The following IFT43 variants were observed in gnomAD, a reference collection of about 807,000 sequenced individuals.
The protein encoded by IFT43 is intraflagellar transport protein 43 homolog.
In IFT43, 33 loss-of-function variants were observed where a neutral mutation model predicts 32.3. The observed-to-expected ratio is 1.02, with a 90% CI of 0.77 to 1.37. The LOEUF (loss-of-function observed/expected upper bound fraction) is 1.37, where lower values mean the gene tolerates loss of function less well. Among genes scored for constraint, IFT43 ranks in the 40% most tolerant of loss-of-function variants. IFT43 has a pLI of 0.00. For synonymous variants in IFT43, 93 were observed against 98.2 expected (o/e 0.95, Z 0.31); for missense variants, 274 against 265.9 (o/e 1.03, Z -0.21).
chr14:76,007,762 C>G (rs1029028598), intron 2 of IFT43, among the ~76,000 whole-genome samples: 1 of 152,022 alleles, frequency 6.6e-6, no homozygotes, highest in African/African-American at 2.4e-5. Flanking sequence ...GGCTGAATGG[C>G]AGAAAGTATA....
In IFT43 at chr14:76,052,052, A is replaced by G. The variant is rs758302477; in HGVS notation, c.216-6590A>G. Among the ~76,000 whole-genome samples, 5 of 152,136 alleles carry G rather than the reference A, an allele frequency of 3.3e-5. No individual in the cohort carries two copies. The East Asian group carries it at 9.6e-4, about 29-fold the overall frequency. ...CTCCAGGTGCTTGGCACTTTCGTCT[A>G]TTTTAAGCCTGTTCTGCCTTGCAGC... On this transcript the variant is annotated intron_variant, in intron 3 of 8. Transcript: ENST00000314067.
rs538538788 is a variant in IFT43 at position 75,986,754 on chromosome 14, C to A, written c.54+914C>A. Among the ~76,000 whole-genome samples, 185 of 152,336 alleles carry A rather than the reference C, an allele frequency of 1.2e-3. 6 individuals are homozygous for A. In the South Asian group the frequency reaches 0.036, roughly 30 times the overall value. ...TTATCTTTAAAACTGGTTAGGATCG[C>A]ACTTACTAAAAGATTGGGCCCCAGA... On this transcript the variant is annotated intron_variant, in intron 1 of 8. Transcript: ENST00000314067.
chr14:76,052,584 C>T lies in IFT43; in HGVS notation c.216-6058C>T, dbSNP rs150099311. ...GAGGATCCAAGATTCTGCCATGGTC[C>T]CATGTGGCTGAAGTCACAGATGTGC... On this transcript the variant is annotated intron_variant, in intron 3 of 8. Coordinates refer to ENST00000314067, the MANE Select transcript of IFT43 (RefSeq NM_001102564.3). Among the ~76,000 whole-genome samples, 75 of 152,294 alleles carry T rather than the reference C, an allele frequency of 4.9e-4. 1 individual carries two copies. In the East Asian group the frequency reaches 8.5e-3, roughly 17 times the overall value.
intron 5 of IFT43, among the ~76,000 whole-genome samples, chr14:76,063,881 A>G (rs550315223): frequency 1.3e-5 from 2 of 152,340 alleles, no homozygotes; most frequent in East Asian, 1.9e-4. Flanking sequence ...CCATGCACTA[A>G]TCAGAAGCTA....
intron 5 of IFT43, among the ~76,000 whole-genome samples, chr14:76,070,084 G>C (rs1461984154): frequency 6.6e-6 from 1 of 152,200 alleles, no homozygotes; most frequent in Non-Finnish European, 1.5e-5. Context: ...TGAGTTTAAG[G>C]GTAATTGCTC....
intron 3 of IFT43, among the ~76,000 whole-genome samples, chr14:76,052,356 A>G (rs1167713384): frequency 6.6e-6 from 1 of 152,228 alleles, no homozygotes; most frequent in African/African-American, 2.4e-5. Context: ...CCTTCAGCAC[A>G]TAACCCATGT....
chr14:75,994,224 A>G lies in IFT43; in HGVS notation c.147+5247A>G, dbSNP rs1364080309. On this transcript the variant is annotated intron_variant, in intron 2 of 8. Coordinates refer to ENST00000314067, the MANE Select transcript of IFT43 (RefSeq NM_001102564.3). ...AAAAAAATTGTATGCCCTAAGTTCC[A>G]GGATATCTGATTCAGTGGCCTCTTC... Among the ~76,000 whole-genome samples the G allele has an allele frequency of 1.3e-5, 2 of 151,990 alleles. 1 individual carries two copies. The highest frequency in any genetic ancestry group is 3.9e-4 in the East Asian group (2 of 5,176).
At chr14:76,029,120 AC>A (rs1396597582) in intron 3 of IFT43, among the ~76,000 whole-genome samples, 1 of 152,130 alleles carries the variant, frequency 6.6e-6, no homozygotes, top group Non-Finnish European at 1.5e-5. Context: ...CAGAAGCCTC[AC>A]CAACATCTGT....
intron 2 of IFT43, among the ~76,000 whole-genome samples, chr14:76,004,401 G>A (rs778309992): frequency 7.3e-5 from 11 of 151,376 alleles, no homozygotes; most frequent in Admixed American, 2.6e-4. Flanking sequence ...TTTTTCCCCC[G>A]ATTGTTCTGT....
At position 75,985,795 on chromosome 14, in the gene IFT43, T is replaced by G. The variant is rs769058696; in HGVS notation, c.9T>G (p.Asp3Glu). ...GTCAGGCGGCCGCGGAGATGGAGGA[T>G]TTGCTCGACTTGGACGAGGAGCTTC... is the stretch of plus-strand genomic sequence containing the variant. ME[D>E]LLDLDEELRY... is the part of the protein sequence containing the mutation. The change falls in exon 1 of 9, where the codon GAT becomes GAG. Residue 3 changes from aspartate (D) to glutamate (E), a missense_variant. Transcript: ENST00000314067. 2 of 1,613,932 alleles carry G rather than the reference T, an allele frequency of 1.2e-6. No individual in the cohort carries two copies. Among genetic ancestry groups the G allele is most frequent in the Non-Finnish European group, 1.7e-6 (2 of 1,179,986 alleles).
chr14:76,020,436 A>G (rs2036268975), intron 2 of IFT43, among the ~76,000 whole-genome samples: 1 of 151,658 alleles, frequency 6.6e-6, no homozygotes, highest in African/African-American at 2.4e-5. Context: ...TTGCTTTTTC[A>G]TGTTTCCTGT....
At chr14:75,994,246 C>G (rs929764622) in intron 2 of IFT43, among the ~76,000 whole-genome samples, 2 of 152,052 alleles carry the variant, frequency 1.3e-5, no homozygotes, top group African/African-American at 4.8e-5. Context: ...TCAGTGGCCT[C>G]TTCTTGATCT....
intron 5 of IFT43, chr14:76,076,784 A>G (rs1373449849): frequency 2.1e-6 from 3 of 1,423,266 alleles, no homozygotes; most frequent in African/African-American, 2.8e-5. Flanking sequence ...ATGTGATGAT[A>G]TTATCCGTAA....
At chr14:76,026,190 G>C (rs979948448) in intron 3 of IFT43, among the ~76,000 whole-genome samples, 29 of 152,178 alleles carry the variant, frequency 1.9e-4, no homozygotes, top group African/African-American at 6.7e-4. Context: ...CAACATCACT[G>C]ATCATTAGAG....
intron 2 of IFT43, among the ~76,000 whole-genome samples, chr14:76,009,344 A>C (rs2036036499): frequency 6.6e-6 from 1 of 152,256 alleles, no homozygotes; most frequent in Non-Finnish European, 1.5e-5. Context: ...TCATATCATA[A>C]GATTCAGCAA....
At chr14:76,040,474 A>G (rs986047957) in intron 3 of IFT43, among the ~76,000 whole-genome samples, 2 of 152,232 alleles carry the variant, frequency 1.3e-5, no homozygotes, top group African/African-American at 4.8e-5. Flanking sequence ...AAGGTGCATC[A>G]GCCTTTTTCT....
chr14:76,010,607 T>A (rs1183715098), intron 2 of IFT43, among the ~76,000 whole-genome samples: 1 of 151,976 alleles, frequency 6.6e-6, no homozygotes, highest in Non-Finnish European at 1.5e-5. Context: ...GTTTTATACA[T>A]AATTTTTTGC....
At chr14:76,009,629 C>A (rs1358797201) in intron 2 of IFT43, among the ~76,000 whole-genome samples, 1 of 152,158 alleles carries the variant, frequency 6.6e-6, no homozygotes, top group African/African-American at 2.4e-5. Flanking sequence ...GTACCTTCTT[C>A]CTAGGTACCT....
At chr14:76,028,692 T>C (rs910537717) in intron 3 of IFT43, among the ~76,000 whole-genome samples, 4 of 152,186 alleles carry the variant, frequency 2.6e-5, no homozygotes, top group African/African-American at 9.7e-5. Flanking sequence ...CTCCTACTTA[T>C]AAGTGAGACC....
Sources: allele counts gnomAD v4.1 joint callset (sites outside exome capture counted in the v4.1 genomes callset), GRCh38; gene constraint gnomAD v4.1.1; transcripts MANE v1.5; gene names NCBI Gene and HGNC (gene_info 2026-07-23, HGNC 2026-07-21).